ITPR2: variants seen among roughly 807,000 people sequenced by gnomAD.
ITPR2 encodes the protein inositol 1,4,5-trisphosphate receptor type 2.
Under a neutral mutation model 317.1 loss-of-function variants are expected in ITPR2, and 207 were observed. The observed-to-expected ratio is 0.65, with a 90% CI of 0.58 to 0.73. The LOEUF is 0.73. Among genes scored for constraint, ITPR2 ranks in the 30% least tolerant of loss-of-function variants. ITPR2 has a pLI of 0.00. For missense variants in ITPR2, 2,613 were observed against 3,284.0 expected, an observed-to-expected ratio of 0.80 and a Z score of 4.99; for synonymous variants, 1,156 against 1,149.1, an observed-to-expected ratio of 1.01 and a Z score of -0.12.
chr12:26,786,449 T>TAAAAAAAAAAAAAAAAAAAA (rs59014121), intron 2 of ITPR2, among the ~76,000 whole-genome samples: 1 of 119,226 alleles, frequency 8.4e-6, no homozygotes, highest in African/African-American at 3.7e-5. Context: ...GAATGATCAA[T>TAAAAAAAAAAAAAAAAAAAA]AAAAAAAAAA....
At chr12:26,482,658 T>C (rs764511143) in intron 42 of ITPR2, among the ~76,000 whole-genome samples, 16 of 152,206 alleles carry the variant, frequency 1.1e-4, no homozygotes, top group Non-Finnish European at 1.6e-4. Flanking sequence ...CGGTATTTCA[T>C]ATGTACAGTA....
intron 46 of ITPR2, among the ~76,000 whole-genome samples, chr12:26,442,093 C>T (rs2136735381): frequency 6.6e-6 from 1 of 152,156 alleles, no homozygotes; most frequent in East Asian, 1.9e-4. Context: ...AGTCCTGTCT[C>T]CAAACGGCAA....
At chr12:26,431,473 TAAAC>T (rs776416485) in intron 48 of ITPR2, among the ~76,000 whole-genome samples, 3 of 152,154 alleles carry the variant, frequency 2.0e-5, no homozygotes, top group Admixed American at 6.5e-5. Context: ...AAGCATACCT[TAAAC>T]AAACAAACAG....
In ITPR2 at chr12:26,391,660, G is replaced by A. The variant is rs546128526; in HGVS notation, c.7697-4066C>T. On this transcript the variant is annotated intron_variant, in intron 54 of 56. Transcript: ENST00000381340. ...GCTCACTGCAACCTCGACCTTCCAGGTTTAAGCGATTCTCCTGCCTCAGCC... is the reference window on the plus strand; with the variant it reads ...GCTCACTGCAACCTCGACCTTCCAGATTTAAGCGATTCTCCTGCCTCAGCC... Among the ~76,000 whole-genome samples the A allele has an allele frequency of 7.5e-5, 11 of 146,414 alleles. No individual in the cohort carries two copies. In the East Asian group the frequency reaches 2.2e-3, roughly 29 times the overall value.
At chr12:26,453,951 T>C (rs567015615) in intron 45 of ITPR2, among the ~76,000 whole-genome samples, 5 of 152,330 alleles carry the variant, frequency 3.3e-5, no homozygotes, top group South Asian at 4.1e-4. Flanking sequence ...GTATTCATCA[T>C]CTAGAACAGT....
intron 48 of ITPR2, 152 bp downstream of exon 48, chr12:26,436,069 T>C: frequency 1.5e-6 from 1 of 653,058 alleles, no homozygotes; most frequent in Non-Finnish European, 2.3e-6. Flanking sequence ...TTGACCACAC[T>C]TTTCTGCCTG....
chr12:26,722,029 A>G (rs1948848225), intron 5 of ITPR2, among the ~76,000 whole-genome samples: 1 of 152,208 alleles, frequency 6.6e-6, no homozygotes, highest in African/African-American at 2.4e-5. Context: ...GTGTCACTCC[A>G]TTAATTCAAA....
At chr12:26,619,808 C>G (rs1946454169) in intron 26 of ITPR2, among the ~76,000 whole-genome samples, 2 of 152,084 alleles carry the variant, frequency 1.3e-5, no homozygotes, top group Non-Finnish European at 2.9e-5. Flanking sequence ...CCACTGAAGC[C>G]ATATTAACTG....
rs371541693 is a variant in ITPR2 at position 26,580,173 on chromosome 12, C to T, written c.4381-18G>A. On this transcript the variant is annotated intron_variant, in intron 32 of 56. Transcript: ENST00000381340. ...TTGCAAACCTGGAGAGAAAATAAAA[C>T]AACTCAATATGTTTTATCACATTTT... is the stretch of plus-strand genomic sequence containing the variant. 6.2e-7 allele frequency: 1 copy of T among 1,605,048 alleles called. No individual in the cohort carries two copies.
intron 45 of ITPR2, among the ~76,000 whole-genome samples, chr12:26,446,447 T>A (rs965476879): frequency 6.6e-6 from 1 of 152,122 alleles, no homozygotes; most frequent in Non-Finnish European, 1.5e-5. Context: ...GGTGAGACAG[T>A]AATTTGAATA....
intron 1 of ITPR2, among the ~76,000 whole-genome samples, chr12:26,808,458 ATATT>A (rs1263876426): frequency 6.6e-6 from 1 of 152,242 alleles, no homozygotes; most frequent in Non-Finnish European, 1.5e-5. Context: ...CATTCAACAA[ATATT>A]TATTGAGTGT....
At chr12:26,666,182 C>G (rs181908791) in intron 13 of ITPR2, 131 bp from the exon 14 acceptor site, 1 of 179,300 alleles carries the variant, frequency 5.6e-6, no homozygotes, top group African/African-American at 9.9e-5. Context: ...ACTTTTTCTT[C>G]AGGAGTGGAA....
chr12:26,732,391 T>C (rs1194051220), intron 2 of ITPR2, among the ~76,000 whole-genome samples: 1 of 152,162 alleles, frequency 6.6e-6, no homozygotes, highest in African/African-American at 2.4e-5. Flanking sequence ...TAGAATATTA[T>C]AAATATGAAG....
At position 26,659,202 on chromosome 12, in the gene ITPR2, C is replaced by A; in HGVS notation, c.1797G>T (p.Leu599Phe). The A allele has an allele frequency of 6.2e-7, 1 of 1,613,174 alleles. No homozygotes were observed. Among genetic ancestry groups the A allele is most frequent in the Non-Finnish European group, 8.5e-7 (1 of 1,179,304 alleles). Reference sequence around the variant, plus strand: ...TCTCTAGTAGTTTTCTGTTGTTGTGCAACAAAGCTGTGATAGTATCTTCTG... The same window carrying A: ...TCTCTAGTAGTTTTCTGTTGTTGTGAAACAAAGCTGTGATAGTATCTTCTG... ...ILAEDTITALLHNNRKLLEKH... is the reference protein window; with the variant it reads ...ILAEDTITALFHNNRKLLEKH... Residue 599 changes from leucine (L) to phenylalanine (F), a missense_variant, in exon 16 of 57, where the codon TTG becomes TTT. By Grantham distance (22) the Leu-to-Phe change is conservative. This residue lies in a region of ITPR2 where 515 missense variants were observed against 789.4 expected (regional missense o/e 0.65). Transcript: ENST00000381340.
chr12:26,408,656 A>T (rs577996509), intron 52 of ITPR2, among the ~76,000 whole-genome samples: 89 of 152,270 alleles, frequency 5.8e-4, no homozygotes, highest in Non-Finnish European at 9.6e-4. Context: ...GGGCCCACTG[A>T]GTCAGCCCTC....
intron 47 of ITPR2, among the ~76,000 whole-genome samples, chr12:26,437,235 C>A (rs1047228196): frequency 6.6e-6 from 1 of 152,084 alleles, no homozygotes; most frequent in Non-Finnish European, 1.5e-5. Flanking sequence ...AAACTTAACA[C>A]CAGGATTAAA....
At chr12:26,648,789 G>T (rs995471882) in intron 21 of ITPR2, 6 of 151,348 alleles carry the variant, frequency 4.0e-5, no homozygotes, top group African/African-American at 1.2e-4. Context: ...CTCTGGCATC[G>T]ACCTTTGTCT....
intron 2 of ITPR2, among the ~76,000 whole-genome samples, chr12:26,764,714 C>CA (rs755805759): frequency 5.1e-4 from 64 of 125,404 alleles, no homozygotes; most frequent in Non-Finnish European, 1.1e-3. Context: ...TAAACAACAA[C>CA]AACAAAAAAA....
chr12:26,466,041 T>C (rs1322080406), intron 45 of ITPR2, among the ~76,000 whole-genome samples: 1 of 151,584 alleles, frequency 6.6e-6, no homozygotes, highest in Non-Finnish European at 1.5e-5. Context: ...TTTACAAAAG[T>C]TTTTTTTCAA....
Sources: allele counts gnomAD v4.1 joint callset (sites outside exome capture counted in the v4.1 genomes callset), GRCh38; gene constraint gnomAD v4.1.1; regional missense constraint gnomAD v4.1.1; transcripts MANE v1.5; gene names NCBI Gene and HGNC (gene_info 2026-07-23, HGNC 2026-07-21).